SOX6: variants seen among roughly 807,000 people sequenced by gnomAD.
The protein encoded by SOX6 is SRY-box transcription factor 6.
A neutral mutation model predicts 97.8 loss-of-function variants in SOX6; 11 were observed. The ratio of observed to expected loss-of-function variants is 0.11; its 90% CI spans 0.07 to 0.19. SOX6 has a LOEUF of 0.19. Ranked by LOEUF, SOX6 falls within the 10% of genes least tolerant of loss-of-function variation. The probability of loss-of-function intolerance (pLI) is 1.00; values close to 1 mark genes in which losing one functional copy is unlikely to be tolerated. For missense variants in SOX6, 810 were observed against 1,039.5 expected (o/e 0.78, Z 3.04); for synonymous variants, 360 against 371.4 (o/e 0.97, Z 0.35).
intron 1 of SOX6, among the ~76,000 whole-genome samples, chr11:16,380,703 T>C (rs558490114): frequency 6.6e-6 from 1 of 152,236 alleles, no homozygotes; most frequent in East Asian, 1.9e-4. Flanking sequence ...CACTTACATG[T>C]CAACTATATC....
chr11:16,013,939 C>T (rs933479267), intron 13 of SOX6, among the ~76,000 whole-genome samples: 1 of 151,954 alleles, frequency 6.6e-6, no homozygotes, highest in Non-Finnish European at 1.5e-5. Context: ...TGGAAGAAAC[C>T]CTGCCAGTTA....
At chr11:16,238,537 T>C (rs1048793288) in intron 3 of SOX6, among the ~76,000 whole-genome samples, 1 of 152,014 alleles carries the variant, frequency 6.6e-6, no homozygotes. Context: ...ATCTGTGTGG[T>C]GATATTTTGG....
At chr11:16,661,234 G>A (rs958008016) in intron 3 of SOX6, among the ~76,000 whole-genome samples, 1 of 152,164 alleles carries the variant, frequency 6.6e-6, no homozygotes, top group Non-Finnish European at 1.5e-5. Flanking sequence ...TTGTTCTGAA[G>A]TCTGCTTTGT....
intron 1 of SOX6, among the ~76,000 whole-genome samples, chr11:16,410,368 G>T (rs886662708): frequency 6.6e-6 from 1 of 151,964 alleles, no homozygotes; most frequent in African/African-American, 2.4e-5. Flanking sequence ...TCTTTGTGGT[G>T]GGAAATATTT....
At chr11:16,349,995 T>C (rs1392445070) in intron 1 of SOX6, among the ~76,000 whole-genome samples, 1 of 152,136 alleles carries the variant, frequency 6.6e-6, no homozygotes, top group Admixed American at 6.6e-5. Flanking sequence ...CTAAATAACA[T>C]CATTTATGAT....
intron 4 of SOX6, among the ~76,000 whole-genome samples, chr11:16,591,032 G>T (rs1008413304): frequency 1.3e-5 from 2 of 152,042 alleles, no homozygotes; most frequent in African/African-American, 4.8e-5. Context: ...ATGTATGCCT[G>T]TATCAAAATA....
chr11:16,426,480 T>C (rs768820872), intron 1 of SOX6, among the ~76,000 whole-genome samples: 1 of 151,508 alleles, frequency 6.6e-6, no homozygotes, highest in Non-Finnish European at 1.5e-5. Context: ...TGGAACAAAA[T>C]AGAGAAACTA....
intron 13 of SOX6, among the ~76,000 whole-genome samples, chr11:15,993,571 A>T (rs1214995582): frequency 1.3e-5 from 2 of 152,182 alleles, no homozygotes; most frequent in Non-Finnish European, 2.9e-5. Context: ...AGGCCAAGAG[A>T]TCAACAGCAC....
rs1848316776 is a variant in SOX6 at position 16,727,595 on chromosome 11, A to AT, written n.353+8743_353+8744insA. ...CAGGCACGCGCCACAACACCCAGCA[A>AT]ATTTTTTTTTTTTTGTATTTTTAGT... On this transcript the variant is annotated intron_variant and non_coding_transcript_variant, in intron 2 of 5. Transcript: ENST00000524520. Among the ~76,000 whole-genome samples, 3 of 144,624 alleles carry AT rather than the reference A, an allele frequency of 2.1e-5. 1 individual carries two copies. The highest frequency in any genetic ancestry group is 4.4e-4 in the East Asian group (2 of 4,546). The allele number at this position is 144,624 out of a possible 152,430, so 94.9% of individuals were successfully genotyped here. A position where few individuals can be genotyped will look rare whatever the true frequency, so the allele number is the denominator to read the frequency against.
At chr11:15,996,415 G>A (rs898395896) in intron 13 of SOX6, among the ~76,000 whole-genome samples, 6 of 152,078 alleles carry the variant, frequency 3.9e-5, no homozygotes, top group Non-Finnish European at 5.9e-5. Flanking sequence ...GATCTCTTGA[G>A]GTCAGGAGTT....
At chr11:16,415,595 G>A (rs1858910245) in intron 1 of SOX6, among the ~76,000 whole-genome samples, 1 of 152,070 alleles carries the variant, frequency 6.6e-6, no homozygotes, top group Non-Finnish European at 1.5e-5. Flanking sequence ...ATAAATATTT[G>A]AGGTGATGGA....
chr11:16,092,515 A>G (rs971982835), intron 9 of SOX6, among the ~76,000 whole-genome samples: 1 of 151,968 alleles, frequency 6.6e-6, no homozygotes, highest in Non-Finnish European at 1.5e-5. Context: ...ATATTTCACA[A>G]TCTAAACATA....
At chr11:16,291,413 A>T (rs1367275337) in intron 3 of SOX6, among the ~76,000 whole-genome samples, 1 of 151,080 alleles carries the variant, frequency 6.6e-6, no homozygotes, top group Non-Finnish European at 1.5e-5. Flanking sequence ...GAAAGGAAGG[A>T]TGGATGAATG....
chr11:16,620,936 A>G (rs1848537234), intron 3 of SOX6, among the ~76,000 whole-genome samples: 2 of 152,216 alleles, frequency 1.3e-5, no homozygotes, highest in African/African-American at 4.8e-5. Flanking sequence ...ACTGTTTCAC[A>G]AATTTCTTCT....
intron 1 of SOX6, among the ~76,000 whole-genome samples, chr11:16,439,509 A>G (rs1407631086): frequency 6.6e-6 from 1 of 152,198 alleles, no homozygotes; most frequent in African/African-American, 2.4e-5. Flanking sequence ...GGATAAAGTA[A>G]GTTCTTTTGT....
At chr11:16,612,586 G>C (rs1432696403) in intron 3 of SOX6, among the ~76,000 whole-genome samples, 5 of 150,836 alleles carry the variant, frequency 3.3e-5, no homozygotes, top group African/African-American at 9.8e-5. Flanking sequence ...GCGGGGGGGC[G>C]GGGTTGGGAG....
At chr11:16,046,320 G>A (rs1341815176) in intron 12 of SOX6, among the ~76,000 whole-genome samples, 194 bp downstream of exon 12, 1 of 152,092 alleles carries the variant, frequency 6.6e-6, no homozygotes, top group Non-Finnish European at 1.5e-5. Context: ...ACACTGGGTG[G>A]GAAAGGGCGT....
intron 6 of SOX6, among the ~76,000 whole-genome samples, chr11:16,114,430 A>G (rs1849299617): frequency 6.6e-6 from 1 of 152,212 alleles, no homozygotes; most frequent in Non-Finnish European, 1.5e-5. Flanking sequence ...AGACAATAAA[A>G]GTATCTCTTG....
At chr11:16,069,465 T>C (rs758220836) in intron 9 of SOX6, among the ~76,000 whole-genome samples, 42 of 152,334 alleles carry the variant, frequency 2.8e-4, no homozygotes, top group South Asian at 1.0e-3. Context: ...TGTTTTTTTC[T>C]ACCATTATCC....
Sources: gnomAD v4.1 joint callset for allele counts (sites outside exome capture counted in the v4.1 genomes callset) on GRCh38, gnomAD v4.1.1 for gene constraint, MANE v1.5 for transcripts, NCBI Gene and HGNC (gene_info 2026-07-23, HGNC 2026-07-21) for gene names.